The following RASEF variants were observed in gnomAD, a reference collection of about 807,000 sequenced individuals.
RASEF encodes the protein ras and EF-hand domain-containing protein.
RASEF carries 68 observed loss-of-function variants against 90.1 expected under a neutral mutation model. That is an observed-to-expected ratio of 0.75 (90% CI 0.62 to 0.92). The LOEUF is 0.92. Ranked by LOEUF, RASEF falls within the 40% of genes least tolerant of loss-of-function variation. The pLI, the probability that RASEF is intolerant of heterozygous loss-of-function variation, is 0.00. For missense variants in RASEF, 949 were observed against 937.2 expected (o/e 1.01, Z -0.16); for synonymous variants, 331 against 345.2 (o/e 0.96, Z 0.46).
the RASEF span, among the ~76,000 whole-genome samples, chr9:83,174,082 T>C: frequency 0.2 from 31,036 of 151,640 alleles, 3,306 homozygotes; most frequent in African/African-American, 0.26. Context: ...AATTTGAAAA[T>C]ATTTTCTGTC....
the RASEF span, among the ~76,000 whole-genome samples, chr9:83,077,998 T>C: frequency 2.9e-4 from 44 of 152,350 alleles, no homozygotes; most frequent in African/African-American, 9.9e-4. Flanking sequence ...AGGCTTCTTC[T>C]GGGATAAGGG....
At chr9:83,217,400 C>T in the RASEF span, among the ~76,000 whole-genome samples, 4 of 152,178 alleles carry the variant, frequency 2.6e-5, no homozygotes, top group African/African-American at 9.6e-5. Flanking sequence ...AAGCCAGGGG[C>T]AGAATGATAT....
At chr9:83,159,067 T>C in the RASEF span, among the ~76,000 whole-genome samples, 1 of 151,776 alleles carries the variant, frequency 6.6e-6, no homozygotes, top group Non-Finnish European at 1.5e-5. Flanking sequence ...GTGCCTGTAG[T>C]CCCAGCTACT....
At chr9:83,214,276 C>T in the RASEF span, among the ~76,000 whole-genome samples, 7 of 152,074 alleles carry the variant, frequency 4.6e-5, no homozygotes, top group Non-Finnish European at 8.8e-5. Context: ...CTCAGCTACT[C>T]AAGAGACTGA....
intron 15 of RASEF, among the ~76,000 whole-genome samples, chr9:82,991,785 C>T (rs556448974): frequency 2.3e-4 from 35 of 152,232 alleles, no homozygotes; most frequent in African/African-American, 5.1e-4. Context: ...GGGAACTCTG[C>T]GAAATCATGG....
intron 6 of RASEF, among the ~76,000 whole-genome samples, chr9:83,009,423 T>C (rs575593809): frequency 7.9e-5 from 12 of 152,286 alleles, no homozygotes; most frequent in Non-Finnish European, 1.8e-4. Context: ...TATTAAGCCC[T>C]GCACTAGCCA....
chr9:83,091,852 T>C, the RASEF span, among the ~76,000 whole-genome samples: 1 of 152,082 alleles, frequency 6.6e-6, no homozygotes, highest in African/African-American at 2.4e-5. Flanking sequence ...ACTGCTTCCA[T>C]CAGTACCAAA....
At chr9:83,117,578 C>A in the RASEF span, among the ~76,000 whole-genome samples, 1 of 152,184 alleles carries the variant, frequency 6.6e-6, no homozygotes, top group South Asian at 2.1e-4. Flanking sequence ...CTGAAGATTT[C>A]TTAAACCCCA....
chr9:83,048,038 G>A, intron 1 of RASEF: 2 of 842,102 alleles, frequency 2.4e-6, no homozygotes, highest in Non-Finnish European at 2.9e-6. Context: ...TGGCTGAGCT[G>A]AGAAGTGGCT....
chr9:83,030,402 C>CT (rs1306481334), intron 1 of RASEF, among the ~76,000 whole-genome samples: 1 of 151,870 alleles, frequency 6.6e-6, no homozygotes. Context: ...TGTTTGCTGG[C>CT]TATCTGTACA....
chr9:83,125,269 A>G, the RASEF span, among the ~76,000 whole-genome samples: 9 of 152,180 alleles, frequency 5.9e-5, no homozygotes, highest in African/African-American at 2.2e-4. Flanking sequence ...TCACCCACAG[A>G]GGCAGGACTG....
the RASEF span, among the ~76,000 whole-genome samples, chr9:83,213,664 A>G: frequency 6.6e-6 from 1 of 152,194 alleles, no homozygotes; most frequent in Admixed American, 6.5e-5. Context: ...CCCAGGTGAG[A>G]GAACAGTCTC....
At chr9:83,076,581 A>G in the RASEF span, among the ~76,000 whole-genome samples, 1 of 151,290 alleles carries the variant, frequency 6.6e-6, no homozygotes, top group Non-Finnish European at 1.5e-5. Flanking sequence ...AATGTTTTCC[A>G]GCAATAAACA....
chr9:83,025,339 T>C (rs17085969), intron 2 of RASEF, among the ~76,000 whole-genome samples: 4,515 of 152,192 alleles, frequency 0.03, 207 homozygotes, highest in African/African-American at 0.1. Flanking sequence ...TCTTAACACC[T>C]GGAGGACGTG....
At chr9:83,095,246 G>A in the RASEF span, among the ~76,000 whole-genome samples, 1 of 152,068 alleles carries the variant, frequency 6.6e-6, no homozygotes, top group Admixed American at 6.5e-5. Flanking sequence ...CAGTCTTGGG[G>A]CGCACTGCTT....
At chr9:83,046,455 G>C (rs1272918220) in intron 1 of RASEF, among the ~76,000 whole-genome samples, 2 of 152,076 alleles carry the variant, frequency 1.3e-5, no homozygotes, top group African/African-American at 4.8e-5. Context: ...CTGTGTTCAA[G>C]CAGAAATGCC....
chr9:83,144,421 G>GAAAGAAAGAAAGAAAGAAAGAA, the RASEF span, among the ~76,000 whole-genome samples: 9 of 63,840 alleles, frequency 1.4e-4, no homozygotes, highest in Admixed American at 1.1e-3. Flanking sequence ...AGAAAGAAAA[G>GAAAGAAAGAAAGAAAGAAAGAA]AAAAGAAAGA....
Position 82,980,686 on chromosome 9 carries a change from C to G in RASEF, c.*1991G>C, listed in dbSNP as rs905711210. ...CATGTGTCCCATATATCAGCATCTA[C>G]ATATATCTGATCCAATGTCATCAAA... On this transcript the variant is annotated 3_prime_UTR_variant, in exon 17 of 17. Transcript: ENST00000376447. 1 of 152,218 alleles carries G rather than the reference C, an allele frequency of 6.6e-6. No individual in the cohort carries two copies. The highest frequency in any genetic ancestry group is 2.4e-5 in the African/African-American group (1 of 41,466). The allele number at this position is 152,218 out of a possible 1,614,324, so 9.4% of individuals were successfully genotyped here.
At chr9:83,056,926 G>A (rs903289713) in intron 1 of RASEF, among the ~76,000 whole-genome samples, 1 of 152,208 alleles carries the variant, frequency 6.6e-6, no homozygotes, top group African/African-American at 2.4e-5. Context: ...AACACTGAGA[G>A]CCTTCTAAGG....
Sources: gnomAD v4.1 joint callset for allele counts (sites outside exome capture counted in the v4.1 genomes callset) on GRCh38, gnomAD v4.1.1 for gene constraint, MANE v1.5 for transcripts, NCBI Gene and HGNC (gene_info 2026-07-23, HGNC 2026-07-21) for gene names.